The following TMEM132E variants were observed in gnomAD, a reference collection of about 807,000 sequenced individuals.
TMEM132E encodes transmembrane protein 132E.
Under a neutral mutation model 78.5 loss-of-function variants are expected in TMEM132E, and 49 were observed. That is an observed-to-expected ratio of 0.62 (90% CI 0.50 to 0.79). The LOEUF (loss-of-function observed/expected upper bound fraction) is 0.79. Among genes scored for constraint, TMEM132E ranks in the 30% least tolerant of loss-of-function variants. The pLI, the probability that TMEM132E is intolerant of heterozygous loss-of-function variation, is 0.00. For missense variants in TMEM132E, 1,403 were observed against 1,470.9 expected (o/e 0.95, Z 0.75); for synonymous variants, 715 against 670.6 (o/e 1.07, Z -1.02).
chr17:34,626,344 G>T lies in TMEM132E; in HGVS notation c.285G>T (p.Gly95=). 6.2e-7 allele frequency: 1 copy of T among 1,613,040 alleles called. No homozygotes were observed. The highest frequency in any genetic ancestry group is 1.1e-5 in the South Asian group (1 of 90,816). ...KELPVLNVSL[G]PFSTSQVVAR... ...TGCCGGTCCTCAACGTCTCTCTGGG[G>T]CCCTTCAGCACCAGCCAGGTGGTGG... The change falls in exon 2 of 9, where the codon GGG becomes GGT. Residue 95 remains glycine (G), a synonymous_variant. Transcript: ENST00000631683.
Position 34,637,547 on chromosome 17 carries a change from C to T in TMEM132E, c.2540C>T (p.Ser847Phe), listed in dbSNP as rs773912095. 1.9e-6 allele frequency: 3 copies of T among 1,597,376 alleles called. No individual in the cohort carries two copies. Among genetic ancestry groups the T allele is most frequent in the Non-Finnish European group, 1.7e-6 (2 of 1,173,620 alleles). ...GCCCGGGGAGCTGGCCCGCCGGGCT[C>T]TGCGCTACCCGCACCGGAGGCTCCA... Reference protein sequence around the residue: ...DEARGAGPPGSALPAPEAPGP... With the variant: ...DEARGAGPPGFALPAPEAPGP... Residue 847 changes from serine (S) to phenylalanine (F), a missense_variant, in exon 9 of 9, where the codon TCT (serine) becomes TTT (phenylalanine). Ser to Phe is a radical substitution (Grantham distance 155, BLOSUM62 -2). Coordinates refer to ENST00000631683, the MANE Select transcript of TMEM132E (RefSeq NM_001304438.2).
chr17:34,588,067 C>T (rs560339097), intron 1 of TMEM132E, among the ~76,000 whole-genome samples: 1 of 152,336 alleles, frequency 6.6e-6, no homozygotes, highest in African/African-American at 2.4e-5. Context: ...CTCCAGTTTC[C>T]TCTGAGCCTT....
chr17:34,594,084 C>T (rs1905974688), intron 1 of TMEM132E, among the ~76,000 whole-genome samples: 1 of 152,196 alleles, frequency 6.6e-6, no homozygotes, highest in African/African-American at 2.4e-5. Flanking sequence ...CACTCTGTCC[C>T]CTGACCCTGC....
intron 1 of TMEM132E, among the ~76,000 whole-genome samples, chr17:34,598,986 A>G (rs1906143233): frequency 6.6e-6 from 1 of 152,214 alleles, no homozygotes; most frequent in South Asian, 2.1e-4. Context: ...TTACACTTCC[A>G]GAGCTTACAG....
intron 1 of TMEM132E, among the ~76,000 whole-genome samples, chr17:34,598,087 A>G (rs563274927): frequency 4.6e-5 from 7 of 152,312 alleles, no homozygotes; most frequent in Admixed American, 1.3e-4. Flanking sequence ...TGTATTATAT[A>G]TAATGCATAT....
chr17:34,629,872 C>G (rs1014567891), intron 4 of TMEM132E, 136 bp from the exon 5 acceptor site: 3 of 1,021,512 alleles, frequency 2.9e-6, no homozygotes, highest in South Asian at 3.7e-5. Flanking sequence ...TCCCTGCACA[C>G]GGGTGCAAGT....
intron 1 of TMEM132E, among the ~76,000 whole-genome samples, chr17:34,594,845 G>T (rs750683502): frequency 2.0e-5 from 3 of 152,170 alleles, no homozygotes; most frequent in African/African-American, 7.2e-5. Context: ...CAAGTGGTCC[G>T]CTCGCCTTAG....
chr17:34,631,339 C>T (rs975762713), intron 5 of TMEM132E, among the ~76,000 whole-genome samples: 8 of 152,258 alleles, frequency 5.3e-5, no homozygotes, highest in Non-Finnish European at 1.2e-4. Context: ...TCACCAGAAG[C>T]CTGTGAGCTG....
rs191523604 is a variant in TMEM132E at position 34,587,057 on chromosome 17, C to G, written c.67+5914C>G. Among the ~76,000 whole-genome samples, 427 of 152,288 alleles carry G rather than the reference C, an allele frequency of 2.8e-3. 1 individual carries two copies. Among genetic ancestry groups the G allele is most frequent in the African/African-American group, 9.8e-3 (408 of 41,544 alleles). On this transcript the variant is annotated intron_variant, in intron 1 of 8. Coordinates refer to ENST00000631683, the MANE Select transcript of TMEM132E (RefSeq NM_001304438.2). The stretch of plus-strand genomic sequence containing the variant: ...ATGTGTGCTTGCTGGCAGAACTTCT[C>G]AGATTTTCTGTTTCCCTGGGCCTAT...
In TMEM132E at chr17:34,627,012, A is replaced by G. The variant is rs770733406; in HGVS notation, c.953A>G (p.Asn318Ser). The change falls in exon 2 of 9, where the codon AAC becomes AGC. Residue 318 changes from asparagine (N) to serine (S), a missense_variant. By Grantham distance (46) the Asn-to-Ser change is conservative. Around this residue, in one of 3 missense-constraint regions of TMEM132E, gnomAD observed 511 missense variants for 499.0 expected, o/e 1.02. Transcript: ENST00000631683. The part of the protein sequence containing the change: ...VLSILLYLAP[N>S]SSSPSSPSVE... ...AGCATCCTCCTCTATCTGGCCCCCA[A>G]CTCCTCCTCGCCCTCCAGCCCCAGC... 5.0e-6 allele frequency: 8 copies of G among 1,612,824 alleles called. No individual in the cohort carries two copies. Among genetic ancestry groups the G allele is most frequent in the East Asian group, 4.5e-5 (2 of 44,802 alleles).
Position 34,634,810 on chromosome 17 carries a change from A to G in TMEM132E, c.1700A>G (p.Glu567Gly), listed in dbSNP as rs1273557660. 1.2e-6 allele frequency: 2 copies of G among 1,613,306 alleles called. No homozygotes were observed. The highest frequency in any genetic ancestry group is 3.3e-5 in the Admixed American group (2 of 59,902). ...TGTCCCCACCCCAGGTCAGTCCGGG[A>G]AAGCGAGGATGAGGATGAGGAGGAG... ...PILPDRRSVR[E>G]SEDEDEEEEE... The change falls in exon 7 of 9, where the codon GAA becomes GGA. Residue 567 changes from glutamate to glycine, a missense_variant. Physicochemically the swap from Glu to Gly is moderately conservative, Grantham distance 98 (BLOSUM62 -2). Transcript: ENST00000631683.
At position 34,637,558 on chromosome 17, in the gene TMEM132E, G is replaced by A. The variant is rs971166276; in HGVS notation, c.2551G>A (p.Ala851Thr). 32 of 1,598,834 alleles carry A rather than the reference G, an allele frequency of 2.0e-5. No individual in the cohort carries two copies. The highest frequency in any genetic ancestry group is 2.6e-5 in the Non-Finnish European group (31 of 1,175,170). Reference protein sequence around the residue: ...GAGPPGSALPAPEAPGPGTAS... With the variant: ...GAGPPGSALPTPEAPGPGTAS... ...TGGCCCGCCGGGCTCTGCGCTACCC[G>A]CACCGGAGGCTCCAGGCCCGGGCAC... The change falls in exon 9 of 9, where the codon GCA becomes ACA. Residue 851 changes from alanine (A) to threonine (T), a missense_variant. Coordinates refer to ENST00000631683, the MANE Select transcript of TMEM132E (RefSeq NM_001304438.2).
chr17:34,588,603 T>C (rs1905758223), intron 1 of TMEM132E, among the ~76,000 whole-genome samples: 1 of 152,194 alleles, frequency 6.6e-6, no homozygotes, highest in African/African-American at 2.4e-5. Flanking sequence ...CCTGCATTCA[T>C]GGTGGGTATG....
At chr17:34,621,162 A>G (rs1445391950) in intron 1 of TMEM132E, among the ~76,000 whole-genome samples, 1 of 152,156 alleles carries the variant, frequency 6.6e-6, no homozygotes, top group South Asian at 2.1e-4. Flanking sequence ...CAGAAATACC[A>G]AATCCCCATG....
In TMEM132E at chr17:34,626,521, C is replaced by G. The variant is rs533205384; in HGVS notation, c.462C>G (p.Asp154Glu). Residue 154 changes from aspartate (D) to glutamate (E), a missense_variant, in exon 2 of 9, where the codon GAC becomes GAG. Physicochemically the swap from Asp to Glu is conservative, Grantham distance 45 (BLOSUM62 2). Coordinates refer to ENST00000631683, the MANE Select transcript of TMEM132E (RefSeq NM_001304438.2). ...VLFYVAGRDW[D>E]DFGVTERLPC... ...TCTACGTAGCCGGCCGGGACTGGGA[C>G]GACTTCGGCGTCACCGAGCGGCTGC... 6.2e-7 allele frequency: 1 copy of G among 1,605,000 alleles called. No individual in the cohort carries two copies. The highest frequency in any genetic ancestry group is 1.7e-5 in the Admixed American group (1 of 59,818).
chr17:34,613,129 T>C (rs944452055), intron 1 of TMEM132E, among the ~76,000 whole-genome samples: 4 of 146,264 alleles, frequency 2.7e-5, no homozygotes, highest in African/African-American at 1.0e-4. Context: ...CTCCACCCAC[T>C]GCAGGCCTAT....
intron 1 of TMEM132E, among the ~76,000 whole-genome samples, chr17:34,591,713 A>T (rs1300803624): frequency 1.3e-5 from 2 of 152,224 alleles, no homozygotes; most frequent in Non-Finnish European, 2.9e-5. Flanking sequence ...CACTGTCAGC[A>T]TTTGGGCCCC....
At chr17:34,586,824 G>A (rs1485797287) in intron 1 of TMEM132E, among the ~76,000 whole-genome samples, 1 of 151,680 alleles carries the variant, frequency 6.6e-6, no homozygotes, top group Non-Finnish European at 1.5e-5. Context: ...AAAAAGGGAA[G>A]TAGAAAAGAT....
intron 1 of TMEM132E, among the ~76,000 whole-genome samples, chr17:34,594,624 A>G (rs1029654648): frequency 5.3e-5 from 8 of 152,198 alleles, no homozygotes; most frequent in Non-Finnish European, 1.0e-4. Flanking sequence ...TTTGTTTTGT[A>G]TTTTAGAGAC....
Sources: gnomAD v4.1 joint callset for allele counts (sites outside exome capture counted in the v4.1 genomes callset) on GRCh38, gnomAD v4.1.1 for gene constraint, gnomAD v4.1.1 regional missense constraint, MANE v1.5 for transcripts, NCBI Gene and HGNC (gene_info 2026-07-23, HGNC 2026-07-21) for gene names.